Variants in XIRP2 observed in about 807,000 individuals in gnomAD.
XIRP2 encodes the protein xin actin binding repeat containing 2, also known as xin actin-binding repeat-containing protein 2.
Under a neutral mutation model 277.0 loss-of-function variants are expected in XIRP2, and 236 were observed. The ratio of observed to expected loss-of-function variants is 0.85; its 90% CI spans 0.77 to 0.95. The LOEUF (loss-of-function observed/expected upper bound fraction) is 0.95. XIRP2 is among the 40% of genes least tolerant of loss of function. The pLI, the probability that XIRP2 is intolerant of heterozygous loss-of-function variation, is 0.00. For missense variants in XIRP2, 4,640 were observed against 4,157.5 expected, an observed-to-expected ratio of 1.12 and a Z score of -3.19; for synonymous variants, 1,490 against 1,416.5, an observed-to-expected ratio of 1.05 and a Z score of -1.17.
chr2:167,086,632 T>C (rs1395413278), intron 2 of XIRP2, among the ~76,000 whole-genome samples: 6 of 152,050 alleles, frequency 3.9e-5, no homozygotes, highest in Non-Finnish European at 7.4e-5. Flanking sequence ...CTTGGAGGCT[T>C]TGCTCATTTC....
At chr2:167,213,335 G>C (rs1373373740) in intron 4 of XIRP2, among the ~76,000 whole-genome samples, 2 of 152,128 alleles carry the variant, frequency 1.3e-5, no homozygotes, top group Non-Finnish European at 2.9e-5. Flanking sequence ...CCAAGTTCAA[G>C]AGCTGTAGCC....
At chr2:166,900,906 ACATCTAGAGGAGCCCCGTCAC>A (rs1411680102) in intron 1 of XIRP2, among the ~76,000 whole-genome samples, 2 of 152,126 alleles carry the variant, frequency 1.3e-5, no homozygotes, top group Non-Finnish European at 2.9e-5. Flanking sequence ...GCTTCCACTG[ACATCTAGAGGAGCCCCGTCAC>A]CATCAAGTGG....
chr2:167,201,244 AAGAAAGAAAGAAAGAAAGAGAG>A (rs1383513866), intron 3 of XIRP2, among the ~76,000 whole-genome samples: 7 of 90,812 alleles, frequency 7.7e-5, no homozygotes, highest in African/African-American at 4.7e-4. Context: ...GAAAGAAAGA[AAGAAAGAAAGAAAGAAAGAGAG>A]AGGGAGAAAG....
intron 2 of XIRP2, among the ~76,000 whole-genome samples, chr2:167,009,846 G>C (rs1211103852): frequency 3.3e-5 from 5 of 151,968 alleles, no homozygotes; most frequent in Admixed American, 2.0e-4. Context: ...TGTGTTTTTT[G>C]GCTGCATAAA....
intron 2 of XIRP2, among the ~76,000 whole-genome samples, chr2:167,106,738 G>T (rs1001492022): frequency 6.6e-6 from 1 of 151,410 alleles, no homozygotes; most frequent in Non-Finnish European, 1.5e-5. Flanking sequence ...CTCTTTTATA[G>T]GAATTTGTCG....
chr2:167,240,773 C>T (rs1464824777), intron 7 of XIRP2, 37 bp downstream of exon 7: 1 of 1,564,014 alleles, frequency 6.4e-7, no homozygotes, highest in Non-Finnish European at 8.8e-7. Context: ...ATACTCCTTT[C>T]TCCTATTGAT....
chr2:167,190,325 A>G (rs900277391), intron 3 of XIRP2, among the ~76,000 whole-genome samples: 1 of 151,724 alleles, frequency 6.6e-6, no homozygotes, highest in Non-Finnish European at 1.5e-5. Context: ...CTAATCCTCT[A>G]ATCACTTATT....
In XIRP2 at chr2:167,239,874, A is replaced by C; in HGVS notation, c.878A>C (p.Gln293Pro). ...RSEQEAIHSSQVGTSRSSQEM... is the reference protein window; with the variant it reads ...RSEQEAIHSSPVGTSRSSQEM... ...TTTCAGGAGGCAATTCATAGCAGCC[A>C]GGTTGGCACTTCAAGAAGCAGCCAG... Residue 293 changes from glutamine to proline, a missense_variant, in exon 6 of 11, where the codon CAG (glutamine) becomes CCG (proline). Transcript: ENST00000409195. 6.2e-7 allele frequency: 1 copy of C among 1,609,642 alleles called. No individual in the cohort carries two copies. The highest frequency in any genetic ancestry group is 8.5e-7 in the Non-Finnish European group (1 of 1,178,488).
At chr2:166,962,796 T>G (rs887461488) in intron 2 of XIRP2, among the ~76,000 whole-genome samples, 5 of 151,756 alleles carry the variant, frequency 3.3e-5, no homozygotes, top group African/African-American at 1.2e-4. Flanking sequence ...GAATATTAGT[T>G]ACTTTCTAGA....
At chr2:167,136,203 G>C (rs75614999) in intron 3 of XIRP2, 141 bp downstream of exon 3, 18,199 of 781,248 alleles carry the variant, frequency 0.023, 319 homozygotes, top group East Asian at 0.066. Context: ...ATACAATTTA[G>C]GAAAAATAGA....
chr2:166,939,000 G>A (rs879289730), intron 2 of XIRP2, among the ~76,000 whole-genome samples: 1 of 152,068 alleles, frequency 6.6e-6, no homozygotes, highest in Non-Finnish European at 1.5e-5. Flanking sequence ...CACATGAGGT[G>A]GGTCTCCTGA....
intron 3 of XIRP2, among the ~76,000 whole-genome samples, chr2:167,200,204 A>G (rs1030078480): frequency 2.6e-5 from 4 of 152,340 alleles, no homozygotes; most frequent in Admixed American, 6.5e-5. Flanking sequence ...TGAATCATCA[A>G]TGAAGGATAC....
At chr2:167,203,347 C>G (rs531649000) in intron 3 of XIRP2, among the ~76,000 whole-genome samples, 22 of 152,302 alleles carry the variant, frequency 1.4e-4, no homozygotes, top group African/African-American at 5.3e-4. Context: ...AGGAACGAAT[C>G]CTTTTTATTA....
intron 2 of XIRP2, among the ~76,000 whole-genome samples, chr2:167,011,788 G>C (rs1482142275): frequency 1.3e-5 from 2 of 151,220 alleles, no homozygotes; most frequent in East Asian, 2.0e-4. Context: ...ACTTCTTCCT[G>C]GTTTAGTGTT....
Position 167,249,418 on chromosome 2 carries a change from A to C in XIRP2, c.8026A>C (p.Lys2676Gln), listed in dbSNP as rs200911070. Residue 2676 changes from lysine to glutamine, a missense_variant, in exon 9 of 11, where the codon AAA (lysine) becomes CAA (glutamine). Transcript: ENST00000409195. ...GCAATCCAAATCAGCTTGCGAAATT[A>C]AACAAAGTCACCAAGAATGTAGTAC... ...IMQSKSACEIKQSHQECSTQQ... is the reference protein window; with the variant it reads ...IMQSKSACEIQQSHQECSTQQ... 3 of 1,613,810 alleles carry C rather than the reference A, an allele frequency of 1.9e-6. No homozygotes were observed. In the South Asian group the frequency reaches 3.3e-5, roughly 18 times the overall value.
chr2:167,005,657 AC>A (rs1223666524), intron 2 of XIRP2, among the ~76,000 whole-genome samples: 2 of 151,804 alleles, frequency 1.3e-5, no homozygotes, highest in Admixed American at 1.3e-4. Flanking sequence ...AAGTTATGTA[AC>A]TGTTATCAAT....
Position 167,230,142 on chromosome 2 carries a change from A to G in XIRP2, c.859-9713A>G, listed in dbSNP as rs559942703. 9.7e-4 allele frequency among the ~76,000 whole-genome samples: 148 copies of G among 152,178 alleles called. 1 individual carries two copies. Among genetic ancestry groups the G allele is most frequent in the Non-Finnish European group, 1.0e-3 (69 of 68,004 alleles). On this transcript the variant is annotated intron_variant, in intron 5 of 10. Transcript: ENST00000409195. ...TGCCCTCTAGGGATATTGGTACAACATTCTGTAGCATTTGAAATTTATTCT... is the reference window on the plus strand; with the variant it reads ...TGCCCTCTAGGGATATTGGTACAACGTTCTGTAGCATTTGAAATTTATTCT...
intron 3 of XIRP2, among the ~76,000 whole-genome samples, chr2:167,161,288 A>T (rs7587904): frequency 0.099 from 15,058 of 152,202 alleles, 802 homozygotes; most frequent in South Asian, 0.15. Flanking sequence ...TCACAACTCC[A>T]CTAGGTGGTG....
chr2:167,244,709 T>C lies in XIRP2; in HGVS notation c.3317T>C (p.Leu1106Pro), dbSNP rs1208098916. 1.2e-6 allele frequency: 2 copies of C among 1,613,218 alleles called. No homozygotes were observed. The highest frequency in any genetic ancestry group is 1.7e-6 in the Non-Finnish European group (2 of 1,179,682). Residue 1106 changes from leucine to proline, a missense_variant, in exon 9 of 11, where the codon CTT becomes CCT. Coordinates refer to ENST00000409195, the MANE Select transcript of XIRP2 (RefSeq NM_152381.6). ...TTTGAGACCCAGCCAATGGAGTCTC[T>C]TTATGAAAAAGTTTCGTTAATGACC... ...WLFETQPMES[L>P]YEKVSLMTSS...
Sources: allele counts gnomAD v4.1 joint callset (sites outside exome capture counted in the v4.1 genomes callset), GRCh38; gene constraint gnomAD v4.1.1; transcripts MANE v1.5; gene names NCBI Gene and HGNC (gene_info 2026-07-23, HGNC 2026-07-21).